The following SFXN3 variants were observed in gnomAD, a reference collection of about 807,000 sequenced individuals.
SFXN3 encodes sideroflexin 3.
SFXN3 carries 31 observed loss-of-function variants against 40.4 expected under a neutral mutation model. The ratio of observed to expected loss-of-function variants is 0.77; its 90% CI spans 0.58 to 1.04. SFXN3 has a LOEUF of 1.04. SFXN3 is among the 50% of genes least tolerant of loss of function. SFXN3 has a pLI of 0.00. For synonymous variants in SFXN3, 157 were observed against 160.0 expected (o/e 0.98, Z 0.14); for missense variants, 366 against 408.2 (o/e 0.90, Z 0.89).
chr10:101,036,000 C>G lies in SFXN3; in HGVS notation c.333-3C>G. The stretch of plus-strand genomic sequence containing the variant: ...GCAGAAGTGAGTGTCTTTGTTCCCT[C>G]AGGAAGACCCCAACCGTGGTGTTCT... On this transcript the variant is annotated splice_polypyrimidine_tract_variant and splice_region_variant and intron_variant, in intron 4 of 11. Coordinates refer to ENST00000393459, the Ensembl canonical transcript of SFXN3. 1 of 1,613,684 alleles carries G rather than the reference C, an allele frequency of 6.2e-7. No individual in the cohort carries two copies.
rs755017495 is a variant in SFXN3 at position 101,036,575 on chromosome 10, A to G, written c.507+14A>G. On this transcript the variant is annotated intron_variant, in intron 6 of 11. Transcript: ENST00000393459. The surrounding 1 kb of genome is among the most constrained non-coding windows in gnomAD (Gnocchi z 4.2). ...TCCCTCACCAAGGTAAAGGCCCCTC[A>G]CTCCCCTGACCACCCCATTCATCCT... The G allele has an allele frequency of 4.3e-6, 7 of 1,613,116 alleles. No homozygotes were observed. The African/African-American group carries it at 8.0e-5, about 19-fold the overall frequency.
intron 1 of SFXN3, among the ~76,000 whole-genome samples, chr10:101,031,856 C>T (rs1041145551): frequency 3.9e-5 from 6 of 152,104 alleles, no homozygotes; most frequent in Admixed American, 3.9e-4. Context: ...GGGCTGGGGA[C>T]ATAGAAGAGG....
In SFXN3 at chr10:101,036,871, G is replaced by C; in HGVS notation, c.593+63G>C. 6.3e-7 allele frequency: 1 copy of C among 1,583,870 alleles called. No homozygotes were observed. Among genetic ancestry groups the C allele is most frequent in the Non-Finnish European group, 8.6e-7 (1 of 1,159,172 alleles). On this transcript the variant is annotated intron_variant, in intron 7 of 11. Coordinates refer to ENST00000393459, the Ensembl canonical transcript of SFXN3. This position sits in a 1 kb window ranked among gnomAD's most constrained non-coding sequence, Gnocchi z 4.2. Reference sequence around the variant, plus strand: ...ATGTAGCACACTGTCCATCCACGCAGACCACCTCAGAATGGGGACATCCCT... The same window carrying C: ...ATGTAGCACACTGTCCATCCACGCACACCACCTCAGAATGGGGACATCCCT...
chr10:101,031,728 T>A (rs1278093863), intron 1 of SFXN3, among the ~76,000 whole-genome samples, 194 bp downstream of exon 1: 1 of 152,066 alleles, frequency 6.6e-6, no homozygotes, highest in Non-Finnish European at 1.5e-5. Flanking sequence ...CCTGGGGTCG[T>A]CTGCCCCTCC....
At chr10:101,038,962 C>A (rs1219098577) in intron 10 of SFXN3, among the ~76,000 whole-genome samples, 1 of 152,054 alleles carries the variant, frequency 6.6e-6, no homozygotes, top group East Asian at 1.9e-4. Flanking sequence ...GAGATTCATG[C>A]CCATTTAATT....
chr10:101,035,969 G>A (rs746127780), intron 4 of SFXN3, 34 bp from the exon 5 acceptor site: 13 of 1,573,554 alleles, frequency 8.3e-6, no homozygotes, highest in Non-Finnish European at 1.0e-5. Context: ...GGCCACTGTA[G>A]ACGGGGCAGA....
Position 101,039,140 on chromosome 10 carries a change from G to A in SFXN3, c.822-35G>A, listed in dbSNP as rs1938769003. 1.9e-6 allele frequency: 3 copies of A among 1,600,266 alleles called. No homozygotes were observed. The highest frequency in any genetic ancestry group is 1.7e-6 in the Non-Finnish European group (2 of 1,167,562). ...AGGGAGGGAACACCCTAAGGCCAAA[G>A]CTTTACAAACCTTTCCAACACTTGT... On this transcript the variant is annotated intron_variant, in intron 10 of 11. Transcript: ENST00000393459. This position sits in a 1 kb window ranked among gnomAD's most constrained non-coding sequence, Gnocchi z 4.6.
In SFXN3 at chr10:101,034,963, A is replaced by G. The variant is rs952328435; in HGVS notation, c.161+108A>G. The G allele has an allele frequency of 5.8e-6, 8 of 1,377,682 alleles. No individual in the cohort carries two copies. In the African/African-American group the frequency reaches 1.0e-4, roughly 17 times the overall value. 85.3% of individuals were successfully genotyped at this position (1,377,682 alleles called of 1,614,324 possible). On this transcript the variant is annotated intron_variant, in intron 3 of 11. Transcript: ENST00000393459. Reference sequence around the variant, plus strand: ...AGCTTGACAGTGACCCTGTCCCTCAATCCCCTCACTCTCTAGCCCCGTCTG... The same window carrying G: ...AGCTTGACAGTGACCCTGTCCCTCAGTCCCCTCACTCTCTAGCCCCGTCTG...
At chr10:101,033,322 C>A (rs1196205486) in intron 2 of SFXN3, among the ~76,000 whole-genome samples, 1 of 152,154 alleles carries the variant, frequency 6.6e-6, no homozygotes, top group Admixed American at 6.5e-5. Flanking sequence ...GCATCTGTAG[C>A]ACACGTGGCT....
chr10:101,033,417 G>C (rs965338706), intron 2 of SFXN3, among the ~76,000 whole-genome samples: 21 of 152,190 alleles, frequency 1.4e-4, no homozygotes, highest in Admixed American at 2.6e-4. Context: ...AGCACAAGGA[G>C]ATCTGTTTTC....
chr10:101,035,535 T>C, exon 4 of SFXN3: 1 of 1,612,896 alleles, frequency 6.2e-7, no homozygotes, highest in Non-Finnish European at 8.5e-7. Flanking sequence ...GAGGACCAGC[T>C]GTGGAGGGCC....
rs967364735 is a variant in SFXN3, at chr10:101,032,492, C to T, written c.-4+10C>T. The T allele has an allele frequency of 5.2e-6, 8 of 1,539,392 alleles. No individual in the cohort carries two copies. In the South Asian group the frequency reaches 8.5e-5, roughly 16 times the overall value. ...GAGAGCGATGGAAAGCGTAAGTGCT[C>T]GCTCTCCCCGGCGGGCGGGGTTCTG... On this transcript the variant is annotated intron_variant, in intron 2 of 11. Transcript: ENST00000393459.
Position 101,036,886 on chromosome 10 carries a change from G to A in SFXN3, c.593+78G>A. On this transcript the variant is annotated intron_variant, in intron 7 of 11. Coordinates refer to ENST00000393459, the Ensembl canonical transcript of SFXN3. This position sits in a 1 kb window ranked among gnomAD's most constrained non-coding sequence, Gnocchi z 4.2. ...CATCCACGCAGACCACCTCAGAATG[G>A]GGACATCCCTCTCCCTCCCCAGACA... 1 of 1,564,150 alleles carries A rather than the reference G, an allele frequency of 6.4e-7. No individual in the cohort carries two copies. The highest frequency in any genetic ancestry group is 8.7e-7 in the Non-Finnish European group (1 of 1,148,824).
chr10:101,034,430 A>G (rs1456762542), intron 2 of SFXN3, among the ~76,000 whole-genome samples: 2 of 152,218 alleles, frequency 1.3e-5, no homozygotes, highest in Admixed American at 6.5e-5. Flanking sequence ...GGCTGGGGCA[A>G]AGCTACAAAT....
chr10:101,032,150 A>T, intron 1 of SFXN3, 164 bp from the exon 2 acceptor site: 1 of 321,964 alleles, frequency 3.1e-6, no homozygotes, highest in Non-Finnish European at 5.7e-6. Flanking sequence ...AGGGGACTGT[A>T]AACCAAGGGA....
intron 3 of SFXN3, 55 bp from the exon 4 acceptor site, chr10:101,035,442 T>C: frequency 6.5e-7 from 1 of 1,542,086 alleles, no homozygotes; most frequent in Non-Finnish European, 8.7e-7. Context: ...GTGGGGCCTG[T>C]GAGGGCAGAT....
rs760198397 is a variant in SFXN3, at chr10:101,037,447, T to A, written c.771+16T>A. ...CTTCCTGAAGGTAGGCGACTGTACC[T>A]CTCTTGTCCTGGAATGGGCGATGGC... is the stretch of plus-strand genomic sequence containing the variant. On this transcript the variant is annotated intron_variant, in intron 9 of 11. Transcript: ENST00000393459. The A allele has an allele frequency of 5.6e-6, 9 of 1,614,048 alleles. No individual in the cohort carries two copies. In the Admixed American group the frequency reaches 1.2e-4, roughly 21 times the overall value.
chr10:101,035,736 T>C, intron 4 of SFXN3, 69 bp downstream of exon 4: 3 of 1,542,066 alleles, frequency 1.9e-6, no homozygotes, highest in Non-Finnish European at 2.6e-6. Flanking sequence ...GGTGCGCTTC[T>C]TGTCTGGGCC....
At chr10:101,037,310 G>T in intron 8 of SFXN3, 72 bp from the exon 9 acceptor site, 1 of 1,613,928 alleles carries the variant, frequency 6.2e-7, no homozygotes, top group Admixed American at 1.7e-5. Flanking sequence ...CTTTGAGGGG[G>T]GTCACCCTTC....
Sources: gnomAD v4.1 joint callset for allele counts (sites outside exome capture counted in the v4.1 genomes callset) on GRCh38, gnomAD v4.1.1 for gene constraint, Gnocchi (gnomAD v3.1) non-coding constraint, MANE v1.5 for transcripts, NCBI Gene and HGNC (gene_info 2026-07-23, HGNC 2026-07-21) for gene names.